Variants in TMEM38B observed in about 807,000 individuals in gnomAD.
TMEM38B encodes the protein trimeric intracellular cation channel type B.
TMEM38B carries 24 observed loss-of-function variants against 28.7 expected under a neutral mutation model. That is an observed-to-expected ratio of 0.84 (90% confidence interval 0.61 to 1.18). TMEM38B has a LOEUF of 1.18. Ranked by LOEUF, TMEM38B falls within the 50% of genes most tolerant of loss-of-function variation. TMEM38B has a pLI of 0.00. For missense variants in TMEM38B, 380 were observed against 350.9 expected (o/e 1.08, Z -0.66); for synonymous variants, 131 against 127.7 (o/e 1.03, Z -0.17).
At chr9:105,723,143 T>A (rs1053496641) in intron 4 of TMEM38B, among the ~76,000 whole-genome samples, 14 of 152,280 alleles carry the variant, frequency 9.2e-5, no homozygotes, top group African/African-American at 3.1e-4. Context: ...AGAGAAAGAT[T>A]AGAGAAATAA....
At chr9:105,732,984 G>A (rs200019925) in intron 4 of TMEM38B, among the ~76,000 whole-genome samples, 8 of 151,904 alleles carry the variant, frequency 5.3e-5, no homozygotes, top group Admixed American at 2.0e-4. Flanking sequence ...CCTTCATTTC[G>A]TTATTTACCC....
intron 5 of TMEM38B, among the ~76,000 whole-genome samples, chr9:105,755,414 A>G (rs990274741): frequency 1.3e-5 from 2 of 152,176 alleles, no homozygotes; most frequent in Admixed American, 6.5e-5. Flanking sequence ...CCTGTGTAAC[A>G]AACCTGCACA....
chr9:105,760,560 TG>T (rs1411065990), intron 5 of TMEM38B: 1 of 742,136 alleles, frequency 1.3e-6, no homozygotes, highest in African/African-American at 1.8e-5. Flanking sequence ...TTATAGAAAA[TG>T]TTATTAAAAA....
chr9:105,746,767 A>G (rs1328110832), intron 4 of TMEM38B, among the ~76,000 whole-genome samples: 2 of 152,156 alleles, frequency 1.3e-5, no homozygotes, highest in Non-Finnish European at 2.9e-5. Context: ...TACCTAATTT[A>G]TTGAAAGTTA....
rs371788792 is a variant in TMEM38B, at chr9:105,737,045, G to A, written c.543-11028G>A. Among the ~76,000 whole-genome samples the A allele has an allele frequency of 1.2e-4, 19 of 152,332 alleles. No homozygotes were observed. The East Asian group carries it at 2.7e-3, about 22-fold the overall frequency. On this transcript the variant is annotated intron_variant, in intron 4 of 5. Transcript: ENST00000374692. Reference sequence around the variant, plus strand: ...GGGGATCCTTCTTGGTGTCTGATCTGACATGGCCCACAGGCAGTCACAGCA... The same window carrying A: ...GGGGATCCTTCTTGGTGTCTGATCTAACATGGCCCACAGGCAGTCACAGCA...
intron 4 of TMEM38B, among the ~76,000 whole-genome samples, chr9:105,739,891 T>C (rs1183330113): frequency 6.6e-6 from 1 of 151,932 alleles, no homozygotes; most frequent in African/African-American, 2.4e-5. Context: ...TTTAAACTTT[T>C]TTTTTGTTTG....
intron 1 of TMEM38B, among the ~76,000 whole-genome samples, chr9:105,699,611 G>A (rs1835398084): frequency 6.6e-6 from 1 of 152,052 alleles, no homozygotes; most frequent in South Asian, 2.1e-4. Flanking sequence ...TTTTTGTTTG[G>A]TTCAGGTTTT....
intron 5 of TMEM38B, chr9:105,759,057 C>T (rs1227754188): frequency 4.9e-6 from 4 of 823,968 alleles, no homozygotes; most frequent in African/African-American, 1.7e-5. Flanking sequence ...TGACCTCCCT[C>T]ACTGGGTATT....
At chr9:105,737,520 C>A (rs897878550) in intron 4 of TMEM38B, among the ~76,000 whole-genome samples, 1 of 152,100 alleles carries the variant, frequency 6.6e-6, no homozygotes, top group African/African-American at 2.4e-5. Context: ...TGTCTTGGGC[C>A]CTGGAGGGCA....
chr9:105,731,907 G>C (rs1377910008), intron 4 of TMEM38B, among the ~76,000 whole-genome samples: 1 of 152,110 alleles, frequency 6.6e-6, no homozygotes, highest in African/African-American at 2.4e-5. Context: ...GGTTGAACTA[G>C]TTTACAGTCC....
At chr9:105,769,295 C>T (rs1826470896) in intron 5 of TMEM38B, among the ~76,000 whole-genome samples, 1 of 152,240 alleles carries the variant, frequency 6.6e-6, no homozygotes, top group South Asian at 2.1e-4. Flanking sequence ...TTCATCAAAA[C>T]TGGCACAAAA....
chr9:105,706,554 T>C (rs1368361294), intron 2 of TMEM38B, among the ~76,000 whole-genome samples: 2 of 152,266 alleles, frequency 1.3e-5, no homozygotes, highest in Non-Finnish European at 2.9e-5. Flanking sequence ...GCATAACTTG[T>C]GGCCTTGCAT....
intron 2 of TMEM38B, among the ~76,000 whole-genome samples, chr9:105,717,004 A>G (rs1181887189): frequency 2.6e-5 from 4 of 152,204 alleles, no homozygotes; most frequent in Admixed American, 2.6e-4. Flanking sequence ...TTTTGATTGC[A>G]TAGGGGTTGG....
chr9:105,701,172 A>G (rs780714049), intron 1 of TMEM38B: 1 of 152,124 alleles, frequency 6.6e-6, no homozygotes, highest in Non-Finnish European at 1.5e-5. Context: ...ATACCTACTG[A>G]GTTCTATTTA....
intron 1 of TMEM38B, among the ~76,000 whole-genome samples, 167 bp downstream of exon 1, chr9:105,694,939 T>C (rs1172465422): frequency 6.6e-6 from 1 of 152,178 alleles, no homozygotes; most frequent in Non-Finnish European, 1.5e-5. Flanking sequence ...TCTGACTTAC[T>C]GAGTGCAGAT....
At chr9:105,759,337 A>T in intron 5 of TMEM38B, 1 of 1,055,404 alleles carries the variant, frequency 9.5e-7, no homozygotes, top group South Asian at 1.3e-5. Flanking sequence ...AATTCCTTCA[A>T]ATCAATGGAG....
intron 2 of TMEM38B, chr9:105,710,887 A>T (rs538467035): frequency 1.1e-5 from 3 of 279,854 alleles, no homozygotes; most frequent in African/African-American, 2.2e-5. Context: ...CGCTATGGCA[A>T]CCGCCTCTTT....
rs144069210 is a variant in TMEM38B, at chr9:105,769,749, C to T, written c.661-4116C>T. Among the ~76,000 whole-genome samples, 9 of 151,992 alleles carry T rather than the reference C, an allele frequency of 5.9e-5. No individual in the cohort carries two copies. The East Asian group carries it at 1.5e-3, about 26-fold the overall frequency. ...TAGTTTGTCTAGCTCTGTAAAAAAC[C>T]ATGTTGATATTTTTATTGCAATTGT... On this transcript the variant is annotated intron_variant, in intron 5 of 5. Transcript: ENST00000374692.
chr9:105,708,676 C>T (rs58758028), intron 2 of TMEM38B, among the ~76,000 whole-genome samples: 5,917 of 152,212 alleles, frequency 0.039, 243 homozygotes, highest in African/African-American at 0.1. Context: ...TCTTCTACCT[C>T]AATGCCTTTG....
Sources: gnomAD v4.1 joint callset for allele counts (sites outside exome capture counted in the v4.1 genomes callset) on GRCh38, gnomAD v4.1.1 for gene constraint, MANE v1.5 for transcripts, NCBI Gene and HGNC (gene_info 2026-07-23, HGNC 2026-07-21) for gene names.